Variants in MTMR9 observed in about 807,000 individuals in gnomAD.
The protein encoded by MTMR9 is myotubularin-related protein 9.
Under a neutral mutation model 69.5 loss-of-function variants are expected in MTMR9, and 39 were observed. That is an observed-to-expected ratio of 0.56 (90% CI 0.43 to 0.73). The LOEUF (loss-of-function observed/expected upper bound fraction) is 0.73. MTMR9 is among the 30% of genes least tolerant of loss of function. MTMR9 has a pLI of 0.00. For synonymous variants in MTMR9, 354 were observed against 240.8 expected, an observed-to-expected ratio of 1.47 and a Z score of -4.35; for missense variants, 900 against 671.2, an observed-to-expected ratio of 1.34 and a Z score of -3.77.
chr8:11,314,709 A>AT (rs1272270898), intron 6 of MTMR9, among the ~76,000 whole-genome samples: 1 of 152,120 alleles, frequency 6.6e-6, no homozygotes, highest in South Asian at 2.1e-4. Context: ...TTATAGTCGT[A>AT]TTTTTTCCCA....
chr8:11,303,205 T>C (rs970223603), intron 3 of MTMR9, among the ~76,000 whole-genome samples: 2 of 148,546 alleles, frequency 1.3e-5, no homozygotes, highest in African/African-American at 5.0e-5. Context: ...ACCAAACTTA[T>C]TTTAAAAGCT....
At chr8:11,336,477 A>G in the MTMR9 span, among the ~76,000 whole-genome samples, 1 of 152,250 alleles carries the variant, frequency 6.6e-6, no homozygotes, top group Non-Finnish European at 1.5e-5. Flanking sequence ...CTCTATGCCC[A>G]GTCTGAAAGG....
downstream of MTMR9, among the ~76,000 whole-genome samples, chr8:11,332,747 G>T (rs1801284872): frequency 6.6e-6 from 1 of 152,068 alleles, no homozygotes; most frequent in South Asian, 2.1e-4. Context: ...GATTACAGGT[G>T]CATGCCACCA....
intron 5 of MTMR9, among the ~76,000 whole-genome samples, chr8:11,308,319 C>A (rs934721140): frequency 1.3e-4 from 20 of 152,156 alleles, no homozygotes; most frequent in African/African-American, 4.3e-4. Context: ...ATGTTCTCGG[C>A]AACTTTTTCA....
At chr8:11,300,825 G>T (rs1231299750) in intron 3 of MTMR9, 1 of 152,204 alleles carries the variant, frequency 6.6e-6, no homozygotes, top group East Asian at 1.9e-4. Flanking sequence ...AGTTGCAAGA[G>T]ATCTAAATAA....
chr8:11,336,386 G>C, the MTMR9 span, among the ~76,000 whole-genome samples: 19 of 152,318 alleles, frequency 1.2e-4, no homozygotes, highest in Non-Finnish European at 2.8e-4. Context: ...CTGTGTCAAC[G>C]TGTCCACCTG....
At chr8:11,308,961 A>G (rs1192780039) in intron 5 of MTMR9, among the ~76,000 whole-genome samples, 2 of 152,178 alleles carry the variant, frequency 1.3e-5, no homozygotes, top group Non-Finnish European at 2.9e-5. Flanking sequence ...GATTTGCTAC[A>G]TATACTTATA....
At chr8:11,332,017 C>G, downstream of MTMR9, 1 of 1,611,872 alleles carries the variant, frequency 6.2e-7, no homozygotes, top group South Asian at 1.1e-5. Flanking sequence ...CTCCATGAGA[C>G]TGTGGCACTT....
chr8:11,332,176 A>C, downstream of MTMR9: 1 of 1,574,086 alleles, frequency 6.4e-7, no homozygotes, highest in Non-Finnish European at 8.6e-7. Context: ...ATAAAGACAA[A>C]GACTGAAGAC....
chr8:11,302,753 A>C (rs762222706), intron 3 of MTMR9, among the ~76,000 whole-genome samples: 3 of 152,194 alleles, frequency 2.0e-5, no homozygotes, highest in Non-Finnish European at 4.4e-5. Flanking sequence ...AAATGAAGGT[A>C]GCAAAATTGT....
At chr8:11,287,638 A>G (rs1267436933) in intron 1 of MTMR9, among the ~76,000 whole-genome samples, 1 of 147,500 alleles carries the variant, frequency 6.8e-6, no homozygotes, top group Non-Finnish European at 1.5e-5. Context: ...TGGACAATCA[A>G]GCAAGTCCAG....
chr8:11,300,927 T>C (rs1585116627), intron 3 of MTMR9: 1 of 152,348 alleles, frequency 6.6e-6, no homozygotes, highest in East Asian at 1.9e-4. Flanking sequence ...ATAGTAGATA[T>C]TTTAAGCTTT....
At chr8:11,331,526 A>G (rs780107737), downstream of MTMR9, 4 of 1,612,428 alleles carry the variant, frequency 2.5e-6, no homozygotes, top group Admixed American at 3.3e-5. Flanking sequence ...CTTCCACCGT[A>G]TGCTCCGCTG....
intron 9 of MTMR9, chr8:11,321,617 C>G (rs957059602): frequency 7.6e-5 from 31 of 407,496 alleles, no homozygotes; most frequent in Non-Finnish European, 2.0e-5. Flanking sequence ...GAAGAAGAAG[C>G]TCTCTATTAG....
chr8:11,286,077 C>T (rs763374577), intron 1 of MTMR9, among the ~76,000 whole-genome samples: 1 of 151,208 alleles, frequency 6.6e-6, no homozygotes, highest in African/African-American at 2.4e-5. Context: ...CTCAGCCTCC[C>T]GAGTAGCTGG....
At chr8:11,310,394 A>G (rs1800150127) in intron 6 of MTMR9, among the ~76,000 whole-genome samples, 1 of 152,256 alleles carries the variant, frequency 6.6e-6, no homozygotes, top group Non-Finnish European at 1.5e-5. Flanking sequence ...TTATCACCAC[A>G]TGGATAGATG....
downstream of MTMR9, chr8:11,331,424 C>T (rs79943736): frequency 1.2e-3 from 1,913 of 1,613,972 alleles, 15 homozygotes; most frequent in African/African-American, 0.02. Context: ...GGGCCTGCTT[C>T]TGTGCCCTGC....
At chr8:11,310,370 G>A (rs1368034000) in intron 6 of MTMR9, among the ~76,000 whole-genome samples, 2 of 152,172 alleles carry the variant, frequency 1.3e-5, no homozygotes, top group Non-Finnish European at 2.9e-5. Flanking sequence ...TGAAACAGTA[G>A]GTAGATATAA....
At chr8:11,333,359 G>A in the MTMR9 span, among the ~76,000 whole-genome samples, 1 of 152,168 alleles carries the variant, frequency 6.6e-6, no homozygotes, top group Admixed American at 6.5e-5. Flanking sequence ...TAGTTTAAAT[G>A]TTGAAAGAAA....
Sources: allele counts gnomAD v4.1 joint callset (sites outside exome capture counted in the v4.1 genomes callset), GRCh38; gene constraint gnomAD v4.1.1; transcripts MANE v1.5; gene names NCBI Gene and HGNC (gene_info 2026-07-23, HGNC 2026-07-21).